Variants in VRK2 observed in about 807,000 individuals in gnomAD.
VRK2 encodes the protein VRK serine/threonine kinase 2, also known as serine/threonine-protein kinase VRK2.
A neutral mutation model predicts 57.6 loss-of-function variants in VRK2; 60 were observed. The ratio of observed to expected loss-of-function variants is 1.04; its 90% CI spans 0.85 to 1.29. The LOEUF (loss-of-function observed/expected upper bound fraction) is 1.29, where lower values mean the gene tolerates loss of function less well. Ranked by LOEUF, VRK2 falls within the 50% of genes most tolerant of loss-of-function variation. VRK2 has a pLI of 0.00. For missense variants in VRK2, 705 were observed against 588.1 expected, an observed-to-expected ratio of 1.20 and a Z score of -2.06; for synonymous variants, 231 against 199.2, an observed-to-expected ratio of 1.16 and a Z score of -1.35.
intron 7 of VRK2, among the ~76,000 whole-genome samples, chr2:58,102,834 C>A (rs1674194046): frequency 6.6e-6 from 1 of 151,482 alleles, no homozygotes; most frequent in African/African-American, 2.4e-5. Context: ...GTATGTTAGG[C>A]CACAAAACTA....
At chr2:57,998,715 A>G (rs1187381583) in intron 1 of VRK2, among the ~76,000 whole-genome samples, 4 of 152,222 alleles carry the variant, frequency 2.6e-5, no homozygotes, top group Admixed American at 6.5e-5. Context: ...CACCATGAGA[A>G]TAAGAGACCT....
chr2:58,076,783 A>G (rs889725153), intron 2 of VRK2, among the ~76,000 whole-genome samples: 3 of 151,726 alleles, frequency 2.0e-5, no homozygotes, highest in Non-Finnish European at 4.4e-5. Context: ...GAGGATTGTT[A>G]CCTTTTTAAA....
intron 8 of VRK2, among the ~76,000 whole-genome samples, chr2:58,130,057 TCAGAAATCTAA>T (rs1678951061): frequency 6.6e-6 from 1 of 152,196 alleles, no homozygotes; most frequent in East Asian, 1.9e-4. Context: ...AAGATTGGCT[TCAGAAATCTAA>T]ATGACTTGTC....
chr2:58,153,787 G>C (rs1348439331), intron 12 of VRK2, among the ~76,000 whole-genome samples: 1 of 151,982 alleles, frequency 6.6e-6, no homozygotes, highest in Non-Finnish European at 1.5e-5. Flanking sequence ...AATTGATCCT[G>C]TTTCTTTTTC....
At position 58,088,416 on chromosome 2, in the gene VRK2, G is replaced by C; in HGVS notation, c.420G>C (p.Lys140Asn). The part of the protein sequence containing the change: ...KISGQNGTFK[K>N]STVLQLGIRM... ...CAGGCCAGAATGGTACCTTTAAAAAGTCAACTGTCCTGCAATTAGGTATCC... is the reference window on the plus strand; with the variant it reads ...CAGGCCAGAATGGTACCTTTAAAAACTCAACTGTCCTGCAATTAGGTATCC... Residue 140 changes from lysine (K) to asparagine (N), a missense_variant, in exon 6 of 13, where the codon AAG becomes AAC. Lys to Asn is a moderately conservative substitution (Grantham distance 94, BLOSUM62 0). Transcript: ENST00000340157. The C allele has an allele frequency of 7.4e-6, 12 of 1,613,220 alleles. No homozygotes were observed. Among genetic ancestry groups the C allele is most frequent in the Non-Finnish European group, 1.0e-5 (12 of 1,179,460 alleles).
chr2:58,050,857 T>G (rs902990580), intron 2 of VRK2, among the ~76,000 whole-genome samples: 1 of 152,138 alleles, frequency 6.6e-6, no homozygotes, highest in Non-Finnish European at 1.5e-5. Flanking sequence ...TACTTTTTTT[T>G]TTTTTGAGAC....
chr2:57,928,300 T>C (rs552520751), intron 1 of VRK2, among the ~76,000 whole-genome samples: 39 of 152,228 alleles, frequency 2.6e-4, no homozygotes, highest in Non-Finnish European at 4.7e-4. Context: ...CTTCTTCTGC[T>C]TGATTAATCC....
intron 2 of VRK2, among the ~76,000 whole-genome samples, chr2:58,058,176 A>G (rs1159905083): frequency 6.6e-6 from 1 of 152,150 alleles, no homozygotes; most frequent in African/African-American, 2.4e-5. Flanking sequence ...CAAATGAAAG[A>G]TTCAGAGTAT....
chr2:58,158,028 G>A (rs1427765960), intron 12 of VRK2, among the ~76,000 whole-genome samples: 5 of 152,176 alleles, frequency 3.3e-5, no homozygotes, highest in Admixed American at 3.3e-4. Flanking sequence ...GCCATATGAT[G>A]TCATTTGCTG....
intron 5 of VRK2, 140 bp from the exon 6 acceptor site, chr2:58,088,201 G>A (rs1168901067): frequency 2.0e-5 from 13 of 636,494 alleles, no homozygotes; most frequent in South Asian, 3.9e-5. Flanking sequence ...AATTATGAAC[G>A]TGCATTCATT....
At chr2:57,947,021 C>T (rs539325869) in intron 1 of VRK2, among the ~76,000 whole-genome samples, 1 of 152,188 alleles carries the variant, frequency 6.6e-6, no homozygotes, top group Admixed American at 6.5e-5. Context: ...CTGATGAGCA[C>T]CAATCTACAA....
At chr2:57,963,534 A>G (rs976344330) in intron 1 of VRK2, among the ~76,000 whole-genome samples, 1 of 152,226 alleles carries the variant, frequency 6.6e-6, no homozygotes, top group African/African-American at 2.4e-5. Flanking sequence ...TTTAAAAAAA[A>G]TTCTTGACAC....
At chr2:57,982,524 T>TG (rs1168910034) in intron 1 of VRK2, among the ~76,000 whole-genome samples, 1 of 152,032 alleles carries the variant, frequency 6.6e-6, no homozygotes, top group Non-Finnish European at 1.5e-5. Context: ...GCAATGGCTG[T>TG]GGGAGGCTGC....
intron 2 of VRK2, among the ~76,000 whole-genome samples, chr2:58,063,023 G>T (rs1307137764): frequency 6.6e-6 from 1 of 152,044 alleles, no homozygotes; most frequent in African/African-American, 2.4e-5. Context: ...GGCTAGTGCA[G>T]ATGATGACTT....
chr2:58,154,370 C>T (rs2104705761), intron 12 of VRK2, among the ~76,000 whole-genome samples: 1 of 151,138 alleles, frequency 6.6e-6, no homozygotes, highest in Non-Finnish European at 1.5e-5. Flanking sequence ...TATATCATAT[C>T]TATGGGGTAC....
chr2:57,934,217 C>T (rs1317128097), intron 1 of VRK2, among the ~76,000 whole-genome samples: 2 of 152,136 alleles, frequency 1.3e-5, no homozygotes, highest in Non-Finnish European at 2.9e-5. Context: ...TGTATACTAA[C>T]CACTGTGAGT....
At chr2:58,116,194 G>T (rs1676446658) in intron 7 of VRK2, among the ~76,000 whole-genome samples, 1 of 152,118 alleles carries the variant, frequency 6.6e-6, no homozygotes, top group African/African-American at 2.4e-5. Context: ...GGGTGATTAG[G>T]TTTTAATGAG....
chr2:58,027,282 T>C (rs1366892954), intron 2 of VRK2, among the ~76,000 whole-genome samples: 1 of 151,970 alleles, frequency 6.6e-6, no homozygotes, highest in Non-Finnish European at 1.5e-5. Context: ...AGGGACTAAA[T>C]GCCTTGCCAT....
intron 12 of VRK2, among the ~76,000 whole-genome samples, chr2:58,155,754 A>G (rs1041672892): frequency 3.6e-5 from 1 of 27,734 alleles, no homozygotes; most frequent in Admixed American, 3.1e-4. Context: ...CACCGCCCCC[A>G]CCATCCCCCC....
Sources: gnomAD v4.1 joint callset for allele counts (sites outside exome capture counted in the v4.1 genomes callset) on GRCh38, gnomAD v4.1.1 for gene constraint, MANE v1.5 for transcripts, NCBI Gene and HGNC (gene_info 2026-07-23, HGNC 2026-07-21) for gene names.